The following MTTP variants were observed in gnomAD, a reference collection of about 807,000 sequenced individuals.
The protein encoded by MTTP is microsomal triglyceride transfer protein.
A neutral mutation model predicts 90.6 loss-of-function variants in MTTP; 49 were observed. That is an observed-to-expected ratio of 0.54 (90% confidence interval 0.43 to 0.69). The LOEUF (loss-of-function observed/expected upper bound fraction) is 0.69, where lower values mean the gene tolerates loss of function less well. MTTP is among the 30% of genes least tolerant of loss of function. The probability of loss-of-function intolerance (pLI) is 0.00; values close to 1 mark genes in which losing one functional copy is unlikely to be tolerated. For synonymous variants in MTTP, 347 were observed against 384.2 expected (o/e 0.90, Z 1.13); for missense variants, 945 against 1,067.5 (o/e 0.89, Z 1.60).
chr4:99,570,198 T>C (rs1724804369), upstream of MTTP, among the ~76,000 whole-genome samples: 1 of 152,014 alleles, frequency 6.6e-6, no homozygotes, highest in African/African-American at 2.4e-5. Flanking sequence ...AGGAGTCCTT[T>C]ACTGGTAAAT....
At chr4:99,565,000 A>G (rs1341090489) in intron 1 of MTTP, among the ~76,000 whole-genome samples, 1 of 152,184 alleles carries the variant, frequency 6.6e-6, no homozygotes, top group Non-Finnish European at 1.5e-5. Context: ...CCTCATCTCA[A>G]ACCTAAAAGA....
intron 8 of MTTP, 22 bp from the exon 9 acceptor site, chr4:99,600,543 A>G (rs1252270125): frequency 6.2e-7 from 1 of 1,610,922 alleles, no homozygotes; most frequent in South Asian, 1.1e-5. Context: ...ATTGATATCC[A>G]TGATTATGCC....
At chr4:99,576,753 T>C (rs1343777990) in intron 1 of MTTP, among the ~76,000 whole-genome samples, 1 of 148,504 alleles carries the variant, frequency 6.7e-6, no homozygotes, top group Admixed American at 6.7e-5. Context: ...AATGGCATAA[T>C]TGGGAAATGG....
At position 99,564,528 on chromosome 4, in the gene MTTP, G is replaced by T. The variant is rs906784484; in HGVS notation, c.-102+291G>T. Reference sequence around the variant, plus strand: ...TAGCTTTACTCTTTATTCATTCCTTGAGCTATTTTTCCTATGCTGTTTTGC... The same window carrying T: ...TAGCTTTACTCTTTATTCATTCCTTTAGCTATTTTTCCTATGCTGTTTTGC... On this transcript the variant is annotated intron_variant, in intron 1 of 18. Transcript: ENST00000457717. 1.9e-5 allele frequency: 6 copies of T among 317,392 alleles called. No homozygotes were observed. In the South Asian group the frequency reaches 2.3e-4, roughly 12 times the overall value. 19.7% of individuals were successfully genotyped at this position (317,392 alleles called of 1,614,324 possible).
chr4:99,589,652 T>C lies in MTTP; in HGVS notation c.403T>C (p.Phe135Leu). ...LHLIHGKVKE[F>L]YSYQNEAVAI... ...CCCCTCTCCCCACCAGGTCAAAGAG[T>C]TCTACTCATATCAAAATGAGGCAGT... Residue 135 changes from phenylalanine to leucine, a missense_variant, in exon 4 of 18, where the codon TTC becomes CTC. Physicochemically the swap from Phe to Leu is conservative, Grantham distance 22. Transcript: ENST00000265517. 1 of 1,593,646 alleles carries C rather than the reference T, an allele frequency of 6.3e-7. No homozygotes were observed. The highest frequency in any genetic ancestry group is 8.6e-7 in the Non-Finnish European group (1 of 1,162,094).
intron 1 of MTTP, among the ~76,000 whole-genome samples, chr4:99,566,882 C>T (rs1317726313): frequency 9.9e-5 from 15 of 152,094 alleles, no homozygotes; most frequent in Admixed American, 9.8e-4. Context: ...AAACATTGGG[C>T]AATCATTACA....
chr4:99,587,477 T>C (rs2110215046), intron 3 of MTTP, among the ~76,000 whole-genome samples: 1 of 152,284 alleles, frequency 6.6e-6, no homozygotes, highest in South Asian at 2.1e-4. Flanking sequence ...AGATCAAAAC[T>C]TGATCCATTG....
At chr4:99,601,321 C>CTTTT (rs34811849) in intron 9 of MTTP, among the ~76,000 whole-genome samples, 54 of 128,174 alleles carry the variant, frequency 4.2e-4, no homozygotes, top group African/African-American at 1.5e-3. Flanking sequence ...CTCACCCCTC[C>CTTTT]TTTTTTTTTT....
chr4:99,618,308 C>A (rs1726145904), intron 15 of MTTP, among the ~76,000 whole-genome samples: 1 of 152,122 alleles, frequency 6.6e-6, no homozygotes, highest in Admixed American at 6.5e-5. Flanking sequence ...TACTAACGGA[C>A]AAACACACTC....
In MTTP at chr4:99,612,975, G is replaced by A. The variant is rs1426077666; in HGVS notation, c.2052G>A (p.Glu684=). ...LIAATPDEGE[E]NLDSYAGMSA... Reference sequence around the variant, plus strand: ...CAGCCACCCCTGACGAGGGGGAGGAGAACCTTGACTCCTATGCTGGTATGT... The same window carrying A: ...CAGCCACCCCTGACGAGGGGGAGGAAAACCTTGACTCCTATGCTGGTATGT... The change falls in exon 15 of 18, where the codon GAG becomes GAA. Residue 684 remains glutamate, a synonymous_variant. Transcript: ENST00000265517. The A allele has an allele frequency of 1.2e-6, 2 of 1,614,026 alleles. No individual in the cohort carries two copies. Among genetic ancestry groups the A allele is most frequent in the Admixed American group, 3.3e-5 (2 of 60,010 alleles).
intron 3 of MTTP, among the ~76,000 whole-genome samples, chr4:99,589,033 A>T (rs5011594): frequency 0.06 from 40 of 670 alleles, 8 homozygotes; most frequent in Non-Finnish European, 0.09. Context: ...ATATATATAC[A>T]CACATATATA....
At chr4:99,574,747 T>TA, upstream of MTTP, 1 of 1,510,222 alleles carries the variant, frequency 6.6e-7, no homozygotes, top group South Asian at 1.2e-5. Flanking sequence ...TCAGTGAACT[T>TA]AGGTCCTGAT....
chr4:99,615,796 AT>A (rs1726084149), intron 15 of MTTP, among the ~76,000 whole-genome samples: 1 of 152,222 alleles, frequency 6.6e-6, no homozygotes, highest in Admixed American at 6.5e-5. Flanking sequence ...TAAAGAACAT[AT>A]TTCCCTAAAT....
chr4:99,591,870 TTG>T (rs34883891), intron 6 of MTTP, 80 bp downstream of exon 6: 9,461 of 1,167,342 alleles, frequency 8.1e-3, no homozygotes, highest in East Asian at 0.01. Flanking sequence ...AGATCTGTGT[TTG>T]TGTGTGTGTG....
At position 99,589,761 on chromosome 4, in the gene MTTP, A is replaced by G. The variant is rs747189065; in HGVS notation, c.501+11A>G. The stretch of plus-strand genomic sequence containing the variant: ...GGAACCACCAATGAGGTACTTACCA[A>G]TATTAATAAGGATTCAGCATCTCAA... On this transcript the variant is annotated intron_variant, in intron 4 of 17. Transcript: ENST00000265517. 6 of 1,461,592 alleles carry G rather than the reference A, an allele frequency of 4.1e-6. No homozygotes were observed. In the East Asian group the frequency reaches 6.8e-5, roughly 17 times the overall value. The allele number at this position is 1,461,592 out of a possible 1,614,324, so 90.5% of individuals were successfully genotyped here.
intron 16 of MTTP, among the ~76,000 whole-genome samples, chr4:99,620,725 C>T (rs982348540): frequency 6.6e-6 from 1 of 152,194 alleles, no homozygotes; most frequent in Non-Finnish European, 1.5e-5. Context: ...GTATTTCTGA[C>T]CTGCTGAGAG....
chr4:99,598,653 CTTTT>C (rs745529189), intron 8 of MTTP, among the ~76,000 whole-genome samples: 10 of 82,542 alleles, frequency 1.2e-4, no homozygotes, highest in Admixed American at 5.8e-4. Flanking sequence ...TCAAGGAAGT[CTTTT>C]TTTTTTTTTT....
At chr4:99,621,528 C>T (rs1726233826) in intron 17 of MTTP, among the ~76,000 whole-genome samples, 1 of 152,148 alleles carries the variant, frequency 6.6e-6, no homozygotes, top group South Asian at 2.1e-4. Flanking sequence ...GGAGTTGCCA[C>T]ATAGTTTCAT....
At chr4:99,567,930 G>A (rs1037298075) in intron 1 of MTTP, among the ~76,000 whole-genome samples, 2 of 151,996 alleles carry the variant, frequency 1.3e-5, no homozygotes, top group African/African-American at 4.8e-5. Context: ...GATCATGGTC[G>A]AATTTCATTT....
Sources: allele counts gnomAD v4.1 joint callset (sites outside exome capture counted in the v4.1 genomes callset), GRCh38; gene constraint gnomAD v4.1.1; transcripts MANE v1.5; gene names NCBI Gene and HGNC (gene_info 2026-07-23, HGNC 2026-07-21).